Variants in TOX2 observed in about 807,000 individuals in gnomAD.
TOX2 encodes the protein granulosa cell HMG box 1.
In TOX2, 15 loss-of-function variants were observed where a neutral mutation model predicts 47.4. That is an observed-to-expected ratio of 0.32 (90% confidence interval 0.21 to 0.49). The LOEUF (loss-of-function observed/expected upper bound fraction) is 0.49, where lower values mean the gene tolerates loss of function less well. Among genes scored for constraint, TOX2 ranks in the 20% least tolerant of loss-of-function variants. The probability of loss-of-function intolerance (pLI) is 0.99; values close to 1 mark genes in which losing one functional copy is unlikely to be tolerated. For missense variants in TOX2, 622 were observed against 673.1 expected (o/e 0.92, Z 0.84); for synonymous variants, 290 against 296.6 (o/e 0.98, Z 0.23).
intron 1 of TOX2, among the ~76,000 whole-genome samples, chr20:43,936,818 T>C (rs1471987940): frequency 6.6e-6 from 1 of 152,056 alleles, no homozygotes; most frequent in South Asian, 2.1e-4. Context: ...AAGAGAGAGA[T>C]GATGAGAGGA....
intron 1 of TOX2, among the ~76,000 whole-genome samples, chr20:43,954,538 C>T (rs1190136003): frequency 6.6e-6 from 1 of 152,180 alleles, no homozygotes; most frequent in Admixed American, 6.5e-5. Flanking sequence ...CAAACCTCTG[C>T]GGAAAGATGA....
At position 44,065,810 on chromosome 20, in the gene TOX2, C is replaced by A; in HGVS notation, c.1059C>A (p.Ala353=). 6.2e-7 allele frequency: 1 copy of A among 1,613,864 alleles called. No homozygotes were observed. The highest frequency in any genetic ancestry group is 8.5e-7 in the Non-Finnish European group (1 of 1,179,764). Residue 353 remains alanine (A), a synonymous_variant, in exon 7 of 9, where the codon GCC becomes GCA. Coordinates refer to ENST00000341197, the MANE Select transcript of TOX2 (RefSeq NM_001098797.2). ...CCATGTATGCCATGCCAGGCCTGGC[C>A]TCCTTCCTGACGCCGTCGGACCTGC... ...KQPMYAMPGL[A]SFLTPSDLQA...
At chr20:43,960,029 C>A (rs1326485478) in intron 1 of TOX2, among the ~76,000 whole-genome samples, 1 of 152,192 alleles carries the variant, frequency 6.6e-6, no homozygotes, top group Non-Finnish European at 1.5e-5. Context: ...GGGCAAGCTA[C>A]ATAACCTCCC....
At chr20:43,959,008 G>GC (rs2145420378) in intron 1 of TOX2, among the ~76,000 whole-genome samples, 1 of 152,348 alleles carries the variant, frequency 6.6e-6, no homozygotes, top group East Asian at 1.9e-4. Flanking sequence ...TTAGGACAGA[G>GC]CCCCCCACTG....
chr20:43,996,382 CATT>C (rs1402490811), intron 2 of TOX2, among the ~76,000 whole-genome samples: 1 of 152,152 alleles, frequency 6.6e-6, no homozygotes, highest in Non-Finnish European at 1.5e-5. Context: ...TGAAATAAAA[CATT>C]ATTAACGTGA....
intron 3 of TOX2, among the ~76,000 whole-genome samples, chr20:44,019,830 G>A (rs189794414): frequency 6.6e-6 from 1 of 152,218 alleles, no homozygotes; most frequent in Non-Finnish European, 1.5e-5. Flanking sequence ...CTTTCCTTCC[G>A]GCCTCACTTT....
At chr20:44,032,139 T>C (rs1273400595) in intron 3 of TOX2, among the ~76,000 whole-genome samples, 2 of 152,084 alleles carry the variant, frequency 1.3e-5, no homozygotes, top group Non-Finnish European at 2.9e-5. Context: ...GGCCTTCTGA[T>C]AAAACTGTGG....
chr20:44,044,771 T>C (rs2071388740), intron 3 of TOX2, among the ~76,000 whole-genome samples: 1 of 152,166 alleles, frequency 6.6e-6, no homozygotes, highest in South Asian at 2.1e-4. Context: ...CAATTGGAAT[T>C]CTGGGTGTCT....
chr20:43,943,699 T>G (rs1164501018), intron 1 of TOX2, among the ~76,000 whole-genome samples: 1 of 152,168 alleles, frequency 6.6e-6, no homozygotes. Context: ...CTTGAAAGAT[T>G]TTTACCTTTG....
rs565056917 is a variant in TOX2 at position 44,059,609 on chromosome 20, T to C, written c.879+5083T>C. Among the ~76,000 whole-genome samples the C allele has an allele frequency of 1.1e-4, 16 of 151,970 alleles. No homozygotes were observed. The South Asian group carries it at 2.9e-3, about 28-fold the overall frequency. On this transcript the variant is annotated intron_variant, in intron 5 of 8. Transcript: ENST00000341197. ...AGAAACCCTACAAGCTAGAAGGGATTGGGGTCCTATTTTTAGCCTCCTTAA... is the reference window on the plus strand; with the variant it reads ...AGAAACCCTACAAGCTAGAAGGGATCGGGGTCCTATTTTTAGCCTCCTTAA...
chr20:44,051,561 G>T lies in TOX2; in HGVS notation c.651+16G>T. On this transcript the variant is annotated intron_variant, in intron 4 of 8. Coordinates refer to ENST00000341197, the MANE Select transcript of TOX2 (RefSeq NM_001098797.2). ...GCATTTCAAGGTATGTGCGGTGGAG[G>T]AACAGAGCCTGAAGCTGCCCTCCTG... 6.4e-7 allele frequency: 1 copy of T among 1,553,704 alleles called. No homozygotes were observed. Among genetic ancestry groups the T allele is most frequent in the South Asian group, 1.2e-5 (1 of 81,996 alleles).
chr20:43,946,873 C>A (rs893107033), intron 1 of TOX2, among the ~76,000 whole-genome samples: 47 of 152,140 alleles, frequency 3.1e-4, no homozygotes, highest in African/African-American at 1.1e-3. Flanking sequence ...ACCAGGAGAC[C>A]CGACCTCTTC....
chr20:43,934,017 A>G (rs1223654933), intron 1 of TOX2, among the ~76,000 whole-genome samples: 1 of 151,830 alleles, frequency 6.6e-6, no homozygotes, highest in Non-Finnish European at 1.5e-5. Context: ...GCAGGTTCAC[A>G]AGGTGATGGT....
intron 1 of TOX2, among the ~76,000 whole-genome samples, chr20:43,941,389 A>G (rs1203109662): frequency 6.6e-6 from 1 of 151,374 alleles, no homozygotes; most frequent in Admixed American, 6.6e-5. Flanking sequence ...CTGGAGTACA[A>G]TGGCGCGATC....
intron 1 of TOX2, among the ~76,000 whole-genome samples, chr20:43,948,223 A>C (rs76345584): frequency 6.6e-6 from 1 of 152,306 alleles, no homozygotes; most frequent in African/African-American, 2.4e-5. Flanking sequence ...CACCTGCTGA[A>C]TATTTATGGG....
chr20:44,040,623 G>T (rs1359305758), intron 3 of TOX2, among the ~76,000 whole-genome samples: 1 of 152,168 alleles, frequency 6.6e-6, no homozygotes, highest in East Asian at 1.9e-4. Context: ...GATTAAATGA[G>T]TCATAAGTGG....
intron 2 of TOX2, among the ~76,000 whole-genome samples, chr20:44,004,869 A>G (rs752558082): frequency 2.1e-4 from 32 of 152,196 alleles, no homozygotes; most frequent in Non-Finnish European, 3.5e-4. Context: ...ACCTCTATGC[A>G]TATTTCTTGA....
chr20:44,053,610 ATATACACACACACACACACG>A (rs1203659688), intron 4 of TOX2, among the ~76,000 whole-genome samples: 3 of 10,438 alleles, frequency 2.9e-4, no homozygotes, highest in Non-Finnish European at 4.8e-4. Flanking sequence ...ATATATATAC[ATATACACACACACACACACG>A]TATATACACA....
intron 3 of TOX2, chr20:44,039,148 C>G (rs2071291379): frequency 7.9e-7 from 1 of 1,259,620 alleles, no homozygotes. Flanking sequence ...GTGTGGAGAG[C>G]TCTGCCAGAG....
Sources: gnomAD v4.1 joint callset for allele counts (sites outside exome capture counted in the v4.1 genomes callset) on GRCh38, gnomAD v4.1.1 for gene constraint, MANE v1.5 for transcripts, NCBI Gene and HGNC (gene_info 2026-07-23, HGNC 2026-07-21) for gene names.